Variants in ROS1 observed in about 807,000 individuals in gnomAD.
ROS1 encodes the protein ROS proto-oncogene 1, receptor tyrosine kinase, also known as proto-oncogene tyrosine-protein kinase ROS.
ROS1 carries 263 observed loss-of-function variants against 273.5 expected under a neutral mutation model. The ratio of observed to expected loss-of-function variants is 0.96; its 90% CI spans 0.87 to 1.06. The LOEUF is 1.06. ROS1 is among the 50% of genes least tolerant of loss of function. ROS1 has a pLI of 0.00. For missense variants in ROS1, 2,833 were observed against 2,751.1 expected (o/e 1.03, Z -0.67); for synonymous variants, 1,008 against 954.1 (o/e 1.06, Z -1.04).
intron 7 of ROS1, among the ~76,000 whole-genome samples, chr6:117,397,948 C>T (rs1239865788): frequency 6.6e-6 from 1 of 152,162 alleles, no homozygotes; most frequent in African/African-American, 2.4e-5. Context: ...TCCCTCTGAA[C>T]ACTTTTGGCA....
chr6:117,388,120 C>T, intron 13 of ROS1, 128 bp from the exon 14 acceptor site: 1 of 1,363,450 alleles, frequency 7.3e-7, no homozygotes, highest in Admixed American at 2.0e-5. Context: ...ATATCCGCTA[C>T]CCCGATAATC....
intron 1 of ROS1, among the ~76,000 whole-genome samples, chr6:117,425,326 A>G (rs1474898877): frequency 1.3e-5 from 2 of 152,196 alleles, no homozygotes; most frequent in East Asian, 3.8e-4. Flanking sequence ...ATGACCACAT[A>G]CCCTAAAGAA....
intron 5 of ROS1, among the ~76,000 whole-genome samples, chr6:117,407,552 C>T (rs1047754892): frequency 1.6e-4 from 25 of 152,084 alleles, no homozygotes; most frequent in African/African-American, 4.1e-4. Flanking sequence ...ACACACAGTA[C>T]GCACTCTATA....
intron 7 of ROS1, among the ~76,000 whole-genome samples, chr6:117,397,587 A>C (rs1004992676): frequency 6.6e-6 from 1 of 152,194 alleles, no homozygotes; most frequent in African/African-American, 2.4e-5. Flanking sequence ...GGGTTCAGAC[A>C]AGCTGGAATT....
chr6:117,344,178 G>C lies in ROS1; in HGVS notation c.4388C>G (p.Pro1463Arg), dbSNP rs533175529. 2.5e-6 allele frequency: 4 copies of C among 1,613,832 alleles called. No individual in the cohort carries two copies. The African/African-American group carries it at 4.0e-5, about 16-fold the overall frequency. Residue 1463 changes from proline (P) to arginine (R), a missense_variant, in exon 28 of 44, where the codon CCT (proline) becomes CGT (arginine). Pro to Arg is a moderately radical substitution (Grantham distance 103). Transcript: ENST00000368507. ...CCATGTGAGGTTTGTCTTGGCCAGAGGTAATCTGATTGTGAGGCTAGTGTT... is the reference window on the plus strand; with the variant it reads ...CCATGTGAGGTTTGTCTTGGCCAGACGTAATCTGATTGTGAGGCTAGTGTT... ...ATNTSLTIRL[P>R]LAKTNLTWYG...
chr6:117,337,156 G>A lies in ROS1; in HGVS notation c.5230+16C>T, dbSNP rs747180195. 6.9e-6 allele frequency: 11 copies of A among 1,597,730 alleles called. No individual in the cohort carries two copies. Among genetic ancestry groups the A allele is most frequent in the African/African-American group, 1.3e-5 (1 of 74,216 alleles). ...AAACACAGAGTTTTCTGAGTATTGAGTATGTTAGTACTCACCTTTTGTCTT... is the reference window on the plus strand; with the variant it reads ...AAACACAGAGTTTTCTGAGTATTGAATATGTTAGTACTCACCTTTTGTCTT... On this transcript the variant is annotated intron_variant, in intron 32 of 43. Transcript: ENST00000368507.
chr6:117,324,424 A>G lies in ROS1; in HGVS notation c.5540-9T>C, dbSNP rs1016347727. 1.6e-6 allele frequency: 2 copies of G among 1,255,026 alleles called. No homozygotes were observed. Among genetic ancestry groups the G allele is most frequent in the African/African-American group, 1.5e-5 (1 of 66,534 alleles). The allele number at this position is 1,255,026 out of a possible 1,614,324, so 77.7% of individuals were successfully genotyped here. ...TGGTATCCAAAAATCATCTAATAAT[A>G]TAAATCAGAAAAAGAAATTAATTCA... On this transcript the variant is annotated splice_polypyrimidine_tract_variant and intron_variant, in intron 34 of 43. Transcript: ENST00000368507.
At chr6:117,334,217 C>G (rs1187412682) in intron 32 of ROS1, among the ~76,000 whole-genome samples, 2 of 151,976 alleles carry the variant, frequency 1.3e-5, no homozygotes, top group Non-Finnish European at 2.9e-5. Flanking sequence ...AAGCAGAGAG[C>G]CAAATCATGA....
chr6:117,375,448 A>G (rs1442038126), intron 18 of ROS1, among the ~76,000 whole-genome samples: 12 of 152,166 alleles, frequency 7.9e-5, no homozygotes, highest in Non-Finnish European at 2.9e-5. Context: ...GAATTAAATA[A>G]ATTTTTTAAA....
chr6:117,423,583 T>A (rs1372709749), intron 1 of ROS1, among the ~76,000 whole-genome samples: 1 of 152,210 alleles, frequency 6.6e-6, no homozygotes, highest in Non-Finnish European at 1.5e-5. Flanking sequence ...CATGCAGATC[T>A]CTGTTAACGT....
intron 18 of ROS1, among the ~76,000 whole-genome samples, chr6:117,366,830 T>C (rs1295793263): frequency 6.6e-6 from 1 of 152,164 alleles, no homozygotes; most frequent in Non-Finnish European, 1.5e-5. Context: ...TTCTTATTAA[T>C]GTGATATTGC....
rs1185167609 is a variant in ROS1, at chr6:117,362,863, G to A, written c.3106C>T (p.Pro1036Ser). The A allele has an allele frequency of 6.2e-7, 1 of 1,607,568 alleles. No individual in the cohort carries two copies. The highest frequency in any genetic ancestry group is 2.2e-5 in the East Asian group (1 of 44,796). ...ATTCTGGGGTTCTCTGGTGCTGATG[G>A]AACTGAAAAGTAGAGGCACAGGTAG... ...SLSLRAPETV[P>S]SAPENPRIFI... is the part of the protein sequence containing the mutation. Residue 1036 changes from proline to serine, a missense_variant and splice_region_variant, in exon 22 of 44, where the codon CCA becomes TCA. Coordinates refer to ENST00000368507, the MANE Select transcript of ROS1 (RefSeq NM_001378902.1).
intron 43 of ROS1, among the ~76,000 whole-genome samples, chr6:117,293,066 T>A (rs1432898464): frequency 6.6e-6 from 1 of 152,194 alleles, no homozygotes; most frequent in Admixed American, 6.5e-5. Flanking sequence ...CTGAAATACA[T>A]AGGATACCTC....
At chr6:117,387,149 T>C in intron 14 of ROS1, 150 bp from the exon 15 acceptor site, 1 of 492,582 alleles carries the variant, frequency 2.0e-6, no homozygotes, top group Non-Finnish European at 3.6e-6. Flanking sequence ...TAAAAGGATA[T>C]GAGTAATTGT....
At chr6:117,326,881 T>C (rs1399822535) in intron 33 of ROS1, among the ~76,000 whole-genome samples, 2 of 152,218 alleles carry the variant, frequency 1.3e-5, no homozygotes, top group Admixed American at 1.3e-4. Flanking sequence ...AAAGTTATCA[T>C]TATATCTGAG....
chr6:117,353,283 C>T (rs1779033238), intron 26 of ROS1, 117 bp from the exon 27 acceptor site: 1 of 700,916 alleles, frequency 1.4e-6, no homozygotes, highest in African/African-American at 1.8e-5. Context: ...TCTATTATTT[C>T]AACATTAAAA....
At chr6:117,322,016 A>T (rs1776324020) in intron 35 of ROS1, among the ~76,000 whole-genome samples, 1 of 151,848 alleles carries the variant, frequency 6.6e-6, no homozygotes, top group South Asian at 2.1e-4. Context: ...TTAGTTTTAT[A>T]ATAATAAAAT....
At chr6:117,383,154 C>CTTTT (rs1301419483) in intron 17 of ROS1, among the ~76,000 whole-genome samples, 163 bp downstream of exon 17, 2 of 151,182 alleles carry the variant, frequency 1.3e-5, no homozygotes, top group Non-Finnish European at 3.0e-5. Context: ...AAATAAGGCG[C>CTTTT]TTTTTTTTCA....
rs1466165765 is a variant in ROS1, at chr6:117,369,552, A to AC, written c.2583-3263dup. 1.2e-3 allele frequency among the ~76,000 whole-genome samples: 185 copies of AC among 152,130 alleles called. 1 individual carries two copies. Among genetic ancestry groups the AC allele is most frequent in the Non-Finnish European group, 2.4e-4 (16 of 67,994 alleles). ...TCGCGCCACTGCACCAGCCTGGGCG[A>AC]CAGAGCGAGACTCCATCTCAAAAAA... On this transcript the variant is annotated intron_variant, in intron 18 of 43. Transcript: ENST00000368507.
Sources: allele counts gnomAD v4.1 joint callset (sites outside exome capture counted in the v4.1 genomes callset), GRCh38; gene constraint gnomAD v4.1.1; transcripts MANE v1.5; gene names NCBI Gene and HGNC (gene_info 2026-07-23, HGNC 2026-07-21).